The following CREBBP variants were observed in gnomAD, a reference collection of about 807,000 sequenced individuals.
CREBBP encodes CREB-binding protein.
Under a neutral mutation model 265.0 loss-of-function variants are expected in CREBBP, and 19 were observed. The ratio of observed to expected loss-of-function variants is 0.07; its 90% CI spans 0.05 to 0.11. CREBBP has a LOEUF of 0.11. CREBBP is among the 10% of genes least tolerant of loss of function. CREBBP has a pLI of 1.00. For missense variants in CREBBP, 2,525 were observed against 3,219.0 expected, an observed-to-expected ratio of 0.78 and a Z score of 5.22; for synonymous variants, 1,457 against 1,223.7, an observed-to-expected ratio of 1.19 and a Z score of -3.98.
Position 3,880,038 on chromosome 16 carries a change from G to A in CREBBP, c.-122C>T, listed in dbSNP as rs1424706865. The A allele has an allele frequency of 1.1e-5, 9 of 814,286 alleles. No individual in the cohort carries two copies. The highest frequency in any genetic ancestry group is 3.7e-4 in the Middle Eastern group (1 of 2,674). 50.4% of individuals were successfully genotyped at this position (814,286 alleles called of 1,614,324 possible). A position where few individuals can be genotyped will look rare whatever the true frequency, so the allele number is the denominator to read the frequency against. Reference sequence around the variant, plus strand: ...GCGAGCGCGGGCCGCGAGCGGGCGGGCGGGCGCCGAGGGAGAGGGAGGGCG... The same window carrying A: ...GCGAGCGCGGGCCGCGAGCGGGCGGACGGGCGCCGAGGGAGAGGGAGGGCG... On this transcript the variant is annotated 5_prime_UTR_variant, in exon 1 of 31. Coordinates refer to ENST00000262367, the MANE Select transcript of CREBBP (RefSeq NM_004380.3).
chr16:3,731,217 G>A lies in CREBBP; in HGVS notation c.5147C>T (p.Thr1716Met), dbSNP rs2151315936. The change falls in exon 30 of 31, where the codon ACG becomes ATG. Residue 1716 changes from threonine to methionine, a missense_variant. This residue lies in a region of CREBBP where 62 missense variants were observed against 156.2 expected (regional missense o/e 0.40). Transcript: ENST00000262367. The surrounding 1 kb of genome is among the most constrained non-coding windows in gnomAD (Gnocchi z 7.7). Reference sequence around the variant, plus strand: ...CTCGCACACAGTGCAGTGCCAGCGCGTCTCCACGTGGTGCTTGCACTCGTT... The same window carrying A: ...CTCGCACACAGTGCAGTGCCAGCGCATCTCCACGTGGTGCTTGCACTCGTT... ...TCNECKHHVE[T>M]RWHCTVCEDY... 1 of 1,613,872 alleles carries A rather than the reference G, an allele frequency of 6.2e-7. No homozygotes were observed. The highest frequency in any genetic ancestry group is 8.5e-7 in the Non-Finnish European group (1 of 1,179,934).
chr16:3,875,022 G>A (rs2055371093), intron 1 of CREBBP, among the ~76,000 whole-genome samples: 1 of 152,178 alleles, frequency 6.6e-6, no homozygotes, highest in African/African-American at 2.4e-5. Flanking sequence ...ACACAAGTCA[G>A]CAATTATGGA....
intron 2 of CREBBP, among the ~76,000 whole-genome samples, chr16:3,848,238 G>A (rs1252498505): frequency 6.6e-6 from 1 of 151,848 alleles, no homozygotes; most frequent in Non-Finnish European, 1.5e-5. Context: ...GATACTGGCT[G>A]ACATGAAGTT....
chr16:3,821,686 A>C (rs2054143678), intron 2 of CREBBP, among the ~76,000 whole-genome samples: 1 of 152,182 alleles, frequency 6.6e-6, no homozygotes, highest in Non-Finnish European at 1.5e-5. Flanking sequence ...GAAAAAGAGG[A>C]AAAAAGAAGA....
At chr16:3,866,540 T>C (rs906383639) in intron 1 of CREBBP, among the ~76,000 whole-genome samples, 10 of 152,196 alleles carry the variant, frequency 6.6e-5, no homozygotes, top group Non-Finnish European at 1.5e-4. Flanking sequence ...TAATCACAAA[T>C]ATAAAAATAA....
intron 3 of CREBBP, among the ~76,000 whole-genome samples, chr16:3,809,525 G>A: frequency 6.6e-6 from 1 of 152,126 alleles, no homozygotes; most frequent in East Asian, 1.9e-4. Flanking sequence ...GCCAGCACCT[G>A]ACAGGACACC....
intron 2 of CREBBP, among the ~76,000 whole-genome samples, chr16:3,819,340 A>G (rs1348121907): frequency 1.3e-5 from 2 of 152,246 alleles, no homozygotes; most frequent in Non-Finnish European, 2.9e-5. Context: ...TGAGAACTAA[A>G]CAAGTTCCTA....
intron 22 of CREBBP, 149 bp downstream of exon 22, chr16:3,745,128 C>T (rs1373355997): frequency 8.6e-6 from 8 of 926,904 alleles, no homozygotes; most frequent in Admixed American, 4.0e-5. Flanking sequence ...AGCGGACAAA[C>T]GCTTAGAACT....
At chr16:3,771,178 C>G (rs1258443017) in intron 13 of CREBBP, among the ~76,000 whole-genome samples, 192 bp from the exon 14 acceptor site, 1 of 152,140 alleles carries the variant, frequency 6.6e-6, no homozygotes, top group Non-Finnish European at 1.5e-5. Context: ...AAGCAATTCT[C>G]CTGTCTCAGC....
In CREBBP at chr16:3,777,598, C is replaced by CA. The variant is rs781624267; in HGVS notation, c.2158+14dup. On this transcript the variant is annotated intron_variant, in intron 11 of 30. Transcript: ENST00000262367. ...TGTAAAACTAAAATATGATTCACCA[C>CA]AAACAGTTCAATACCTTGAGAAACT... is the stretch of plus-strand genomic sequence containing the variant. 3 of 1,613,846 alleles carry CA rather than the reference C, an allele frequency of 1.9e-6. No individual in the cohort carries two copies. Among genetic ancestry groups the CA allele is most frequent in the South Asian group, 2.2e-5 (2 of 91,076 alleles).
Position 3,733,589 on chromosome 16 carries a change from G to A in CREBBP, c.4729-1652C>T, listed in dbSNP as rs1222788479. ...AGACATTAGTAACAGGAGAAACTGC[G>A]TGCTGCAATATACTGGAACTCTGTG... On this transcript the variant is annotated intron_variant, in intron 28 of 30. Coordinates refer to ENST00000262367, the MANE Select transcript of CREBBP (RefSeq NM_004380.3). 3.3e-5 allele frequency among the ~76,000 whole-genome samples: 5 copies of A among 152,134 alleles called. 1 individual carries two copies. The highest frequency in any genetic ancestry group is 4.1e-4 in the South Asian group (2 of 4,828).
At chr16:3,799,738 G>C (rs1014258667) in intron 3 of CREBBP, among the ~76,000 whole-genome samples, 5 of 152,158 alleles carry the variant, frequency 3.3e-5, no homozygotes, top group Admixed American at 2.6e-4. Context: ...TGAAAAATAA[G>C]GCAGACCTCA....
intron 2 of CREBBP, among the ~76,000 whole-genome samples, chr16:3,814,052 G>C (rs1268565235): frequency 1.3e-5 from 2 of 152,158 alleles, no homozygotes; most frequent in Non-Finnish European, 2.9e-5. Context: ...AAACTTCCCA[G>C]ATATTTTGAC....
intron 2 of CREBBP, among the ~76,000 whole-genome samples, chr16:3,839,343 T>C (rs2054518925): frequency 1.3e-5 from 2 of 152,168 alleles, no homozygotes; most frequent in African/African-American, 4.8e-5. Context: ...TGTCAATCCA[T>C]TTAATATACA....
rs779479107 is a variant in CREBBP, at chr16:3,745,363, C to G, written c.3837-9G>C. 1.9e-6 allele frequency: 3 copies of G among 1,613,688 alleles called. No individual in the cohort carries two copies. The South Asian group carries it at 3.3e-5, about 18-fold the overall frequency. Reference sequence around the variant, plus strand: ...CCTTGCAATCAACGAAACTAGGAGGCAAAGAAGGCGCACTGTTAAAGCACA... The same window carrying G: ...CCTTGCAATCAACGAAACTAGGAGGGAAAGAAGGCGCACTGTTAAAGCACA... On this transcript the variant is annotated splice_polypyrimidine_tract_variant and intron_variant, in intron 21 of 30. Transcript: ENST00000262367.
chr16:3,841,769 G>C (rs1254382947), intron 2 of CREBBP, among the ~76,000 whole-genome samples: 2 of 152,120 alleles, frequency 1.3e-5, no homozygotes, highest in African/African-American at 4.8e-5. Context: ...CATTCCTTTA[G>C]AGCACAGATT....
intron 17 of CREBBP, 33 bp downstream of exon 17, chr16:3,758,821 A>G (rs770671716): frequency 9.3e-6 from 14 of 1,507,242 alleles, no homozygotes; most frequent in South Asian, 5.6e-5. Flanking sequence ...TCACACCAGC[A>G]AAGTTATAAT....
intron 5 of CREBBP, chr16:3,784,428 GAAGT>G (rs1219777594): frequency 2.6e-5 from 4 of 152,200 alleles, no homozygotes; most frequent in Admixed American, 1.3e-4. Flanking sequence ...GTGTGTAGCT[GAAGT>G]AAGTCACGCA....
intron 23 of CREBBP, chr16:3,743,245 T>A (rs1202059179): frequency 6.6e-6 from 1 of 152,212 alleles, no homozygotes; most frequent in Non-Finnish European, 1.5e-5. Context: ...GGACAGCCCC[T>A]AAAACAGAGG....
Sources: gnomAD v4.1 joint callset for allele counts (sites outside exome capture counted in the v4.1 genomes callset) on GRCh38, gnomAD v4.1.1 for gene constraint, gnomAD v4.1.1 regional missense constraint, Gnocchi (gnomAD v3.1) non-coding constraint, MANE v1.5 for transcripts, NCBI Gene and HGNC (gene_info 2026-07-23, HGNC 2026-07-21) for gene names.